The following DEDD2 variants were observed in gnomAD, a reference collection of about 807,000 sequenced individuals.
DEDD2 encodes death effector domain containing 2.
DEDD2 carries 18 observed loss-of-function variants against 28.9 expected under a neutral mutation model. The observed-to-expected ratio is 0.62, with a 90% CI of 0.43 to 0.92. DEDD2 has a LOEUF of 0.92. Ranked by LOEUF, DEDD2 falls within the 40% of genes least tolerant of loss-of-function variation. The pLI is 0.00. For missense variants in DEDD2, 411 were observed against 463.3 expected, an observed-to-expected ratio of 0.89 and a Z score of 1.04; for synonymous variants, 211 against 206.1, an observed-to-expected ratio of 1.02 and a Z score of -0.20.
chr19:42,210,903 C>T (rs1035800704), intron 3 of DEDD2, among the ~76,000 whole-genome samples: 14 of 151,516 alleles, frequency 9.2e-5, no homozygotes, highest in Non-Finnish European at 1.9e-4. Context: ...AACCCTGTCT[C>T]TACTAAAAAT....
intron 4 of DEDD2, among the ~76,000 whole-genome samples, chr19:42,203,744 T>C (rs942608131): frequency 1.3e-5 from 2 of 152,198 alleles, no homozygotes; most frequent in African/African-American, 4.8e-5. Flanking sequence ...AGGCAGGACC[T>C]GCCAACTTAG....
intron 4 of DEDD2, 31 bp downstream of exon 4, chr19:42,209,669 A>G (rs1387832629): frequency 6.3e-7 from 1 of 1,596,572 alleles, no homozygotes; most frequent in Non-Finnish European, 8.5e-7. Context: ...GGGGCACTCT[A>G]CATGCATTGC....
At position 42,214,054 on chromosome 19, in the gene DEDD2, G is replaced by A. The variant is rs73552858; in HGVS notation, c.448+1079C>T. On this transcript the variant is annotated intron_variant, in intron 3 of 4. Transcript: ENST00000596251. ...GTTCAACAAAAAAATCCAGAATTAC[G>A]TATACACATAAAGCAAAAGTAGCAA... Among the ~76,000 whole-genome samples, 764 of 152,250 alleles carry A rather than the reference G, an allele frequency of 5.0e-3. 6 individuals are homozygous for A. The highest frequency in any genetic ancestry group is 0.017 in the African/African-American group (708 of 41,526).
At chr19:42,216,629 A>C (rs927780610) in intron 2 of DEDD2, 51 bp downstream of exon 2, 8 of 1,484,574 alleles carry the variant, frequency 5.4e-6, no homozygotes, top group Admixed American at 2.6e-5. Flanking sequence ...GCCCAGCGGG[A>C]GCCAGGCCCT....
chr19:42,199,610 G>A lies in DEDD2; in HGVS notation c.809C>T (p.Ala270Val), dbSNP rs758851349. 3.1e-6 allele frequency: 5 copies of A among 1,614,126 alleles called. No homozygotes were observed. In the East Asian group the frequency reaches 8.9e-5, roughly 29 times the overall value. ...CACGCCCCGCAGGGCCTGCAGCAGG[G>A]CGCCACTCAGGTAGTCGCCCCAGAA... The part of the protein sequence containing the change: ...DAFWGDYLSG[A>V]LLQALRGVFL... Residue 270 changes from alanine (A) to valine (V), a missense_variant, in exon 5 of 5, where the codon GCC becomes GTC. Ala to Val is a moderately conservative substitution (Grantham distance 64). Transcript: ENST00000596251. The surrounding 1 kb of genome is among the most constrained non-coding windows in gnomAD (Gnocchi z 7.4).
intron 4 of DEDD2, among the ~76,000 whole-genome samples, chr19:42,208,239 G>A (rs2035611028): frequency 6.6e-6 from 1 of 152,170 alleles, no homozygotes; most frequent in Non-Finnish European, 1.5e-5. Flanking sequence ...TCAAGAGCAA[G>A]GTCAAAGTAG....
chr19:42,210,983 T>C (rs930460917), intron 3 of DEDD2, among the ~76,000 whole-genome samples: 9 of 150,762 alleles, frequency 6.0e-5, no homozygotes, highest in African/African-American at 2.2e-4. Context: ...GGCAGGAGAA[T>C]TGCTTGAACC....
intron 3 of DEDD2, among the ~76,000 whole-genome samples, chr19:42,211,513 T>A (rs1273792335): frequency 6.6e-6 from 1 of 152,090 alleles, no homozygotes; most frequent in Non-Finnish European, 1.5e-5. Context: ...GTAACAGGAA[T>A]ACTCAGATGA....
chr19:42,208,705 A>G (rs2035629715), intron 4 of DEDD2, among the ~76,000 whole-genome samples: 3 of 151,982 alleles, frequency 2.0e-5, no homozygotes, highest in Non-Finnish European at 2.9e-5. Context: ...GGTGGCACTT[A>G]TCATTGTCTA....
intron 4 of DEDD2, among the ~76,000 whole-genome samples, chr19:42,207,995 G>T (rs1343410683): frequency 6.6e-6 from 1 of 152,084 alleles, no homozygotes; most frequent in Admixed American, 6.5e-5. Flanking sequence ...GGAAACTGGG[G>T]CTGGCCAGGA....
Position 42,216,851 on chromosome 19 carries a change from G to C in DEDD2, c.157C>G (p.Pro53Ala). Residue 53 changes from proline to alanine, a missense_variant, in exon 2 of 5, where the codon CCT (proline) becomes GCT (alanine). By Grantham distance (27) the Pro-to-Ala change is conservative. Coordinates refer to ENST00000596251, the MANE Select transcript of DEDD2 (RefSeq NM_133328.4). The part of the protein sequence containing the change: ...ELLAFLLDEA[P>A]GAAGGLARAR... ...CGGGCTAAGCCTCCGGCGGCGCCAG[G>C]AGCCTCATCCAGCAGAAAGGCCAGG... 1 of 1,591,472 alleles carries C rather than the reference G, an allele frequency of 6.3e-7. No homozygotes were observed.
chr19:42,204,883 A>G (rs906176099), intron 4 of DEDD2, among the ~76,000 whole-genome samples: 2 of 152,082 alleles, frequency 1.3e-5, no homozygotes, highest in Non-Finnish European at 2.9e-5. Flanking sequence ...TGTCAAATGG[A>G]AAGTTTTTCA....
chr19:42,209,890 T>G lies in DEDD2; in HGVS notation c.449-50A>C, dbSNP rs1391151301. 3.4e-6 allele frequency: 5 copies of G among 1,471,870 alleles called. No homozygotes were observed. In the East Asian group the frequency reaches 1.0e-4, roughly 31 times the overall value. 91.2% of individuals were successfully genotyped at this position (1,471,870 alleles called of 1,614,324 possible). Reference sequence around the variant, plus strand: ...TTGAGGACCAGGATGACAGCTAGAGTGCCCAGGTGTATGCCTGGAAAAGAA... The same window carrying G: ...TTGAGGACCAGGATGACAGCTAGAGGGCCCAGGTGTATGCCTGGAAAAGAA... On this transcript the variant is annotated intron_variant, in intron 3 of 4. Transcript: ENST00000596251.
chr19:42,216,627 G>A, intron 2 of DEDD2, 53 bp downstream of exon 2: 1 of 1,479,550 alleles, frequency 6.8e-7, no homozygotes, highest in South Asian at 1.3e-5. Flanking sequence ...AGGCCCAGCG[G>A]GAGCCAGGCC....
intron 4 of DEDD2, chr19:42,202,107 C>T: frequency 2.5e-6 from 1 of 398,686 alleles, no homozygotes; most frequent in Non-Finnish European, 4.4e-6. Context: ...CCCTGCTGCA[C>T]ATTGAAGTCA....
intron 4 of DEDD2, among the ~76,000 whole-genome samples, chr19:42,207,996 C>T (rs1293152577): frequency 6.6e-6 from 1 of 152,154 alleles, no homozygotes; most frequent in Non-Finnish European, 1.5e-5. Context: ...GAAACTGGGG[C>T]TGGCCAGGAG....
upstream of DEDD2, among the ~76,000 whole-genome samples, chr19:42,218,524 G>A (rs1212887254): frequency 2.6e-5 from 4 of 152,128 alleles, no homozygotes; most frequent in African/African-American, 4.8e-5. Context: ...TCTAGGCTGT[G>A]GTGTATGCGT....
Position 42,199,172 on chromosome 19 carries a change from T to C in DEDD2, c.*266A>G, listed in dbSNP as rs879341891. ...AGTGTGTAGCTGTGCCCCTCCCTTC[T>C]GAGATACAGGCCCAGCCCCCGCCTC... On this transcript the variant is annotated 3_prime_UTR_variant, in exon 5 of 5. Transcript: ENST00000596251. This position sits in a 1 kb window ranked among gnomAD's most constrained non-coding sequence, Gnocchi z 7.4. The C allele has an allele frequency of 1.9e-6, 1 of 530,310 alleles. No individual in the cohort carries two copies. Among genetic ancestry groups the C allele is most frequent in the Non-Finnish European group, 3.3e-6 (1 of 299,590 alleles). The allele number at this position is 530,310 out of a possible 1,614,324, so 32.9% of individuals were successfully genotyped here. A position where few individuals can be genotyped will look rare whatever the true frequency, so the allele number is the denominator to read the frequency against.
chr19:42,203,284 A>G (rs1272579979), intron 4 of DEDD2, among the ~76,000 whole-genome samples: 1 of 152,244 alleles, frequency 6.6e-6, no homozygotes, highest in Non-Finnish European at 1.5e-5. Context: ...GGCGAGTTAT[A>G]GTTCAGATTG....
Sources: gnomAD v4.1 joint callset for allele counts (sites outside exome capture counted in the v4.1 genomes callset) on GRCh38, gnomAD v4.1.1 for gene constraint, Gnocchi (gnomAD v3.1) non-coding constraint, MANE v1.5 for transcripts, NCBI Gene and HGNC (gene_info 2026-07-23, HGNC 2026-07-21) for gene names.